The following PLD5 variants were observed in gnomAD, a reference collection of about 807,000 sequenced individuals.
PLD5 encodes phospholipase D family member 5.
A neutral mutation model predicts 61.1 loss-of-function variants in PLD5; 36 were observed. That is an observed-to-expected ratio of 0.59 (90% CI 0.45 to 0.78). The LOEUF (loss-of-function observed/expected upper bound fraction) is 0.78. Among genes scored for constraint, PLD5 ranks in the 30% least tolerant of loss-of-function variants. PLD5 has a pLI of 0.00. For missense variants in PLD5, 515 were observed against 644.4 expected, an observed-to-expected ratio of 0.80 and a Z score of 2.17; for synonymous variants, 243 against 242.8, an observed-to-expected ratio of 1.00 and a Z score of -0.01.
intron 2 of PLD5, among the ~76,000 whole-genome samples, chr1:242,289,441 C>G (rs1299235138): frequency 6.6e-6 from 1 of 152,154 alleles, no homozygotes; most frequent in Non-Finnish European, 1.5e-5. Flanking sequence ...CTCCGCCTCC[C>G]AGGTTCAAGC....
chr1:242,381,225 G>C (rs1388989368), intron 1 of PLD5, among the ~76,000 whole-genome samples: 1 of 152,134 alleles, frequency 6.6e-6, no homozygotes, highest in South Asian at 2.1e-4. Flanking sequence ...GTCATAAAAA[G>C]GAACAAGATC....
At chr1:242,382,689 G>A (rs1306995178) in intron 1 of PLD5, among the ~76,000 whole-genome samples, 2 of 152,066 alleles carry the variant, frequency 1.3e-5, no homozygotes, top group Non-Finnish European at 1.5e-5. Flanking sequence ...TTCTGGCAAC[G>A]GTAGGGAGAA....
chr1:242,270,094 C>T (rs1243777697), intron 3 of PLD5, among the ~76,000 whole-genome samples: 4 of 151,564 alleles, frequency 2.6e-5, no homozygotes, highest in African/African-American at 9.7e-5. Flanking sequence ...GTTAGAGAAA[C>T]TTAATTCTGA....
At chr1:242,091,401 C>A (rs1236310879) in intron 9 of PLD5, among the ~76,000 whole-genome samples, 2 of 152,148 alleles carry the variant, frequency 1.3e-5, no homozygotes, top group African/African-American at 4.8e-5. Flanking sequence ...TAGAGTAATG[C>A]CATTTTCAGT....
chr1:242,390,020 AATT>A (rs67155503), intron 1 of PLD5, among the ~76,000 whole-genome samples: 82,641 of 146,768 alleles, frequency 0.56, 23,622 homozygotes, highest in East Asian at 0.78. Context: ...TAATAATAAT[AATT>A]ATTATTATTA....
intron 4 of PLD5, among the ~76,000 whole-genome samples, chr1:242,224,593 G>A (rs959244211): frequency 2.6e-5 from 4 of 152,152 alleles, no homozygotes; most frequent in Non-Finnish European, 5.9e-5. Flanking sequence ...GTATCCACAT[G>A]CAAAAGAATG....
At chr1:242,090,246 A>C (rs1400337407) in intron 9 of PLD5, 136 bp from the exon 10 acceptor site, 29 of 1,155,922 alleles carry the variant, frequency 2.5e-5, no homozygotes, top group Non-Finnish European at 3.2e-5. Context: ...AATTGTGTTG[A>C]CAGCTCCGAA....
chr1:242,232,137 C>T (rs1353264653), intron 4 of PLD5, among the ~76,000 whole-genome samples: 1 of 151,988 alleles, frequency 6.6e-6, no homozygotes, highest in Non-Finnish European at 1.5e-5. Context: ...GCCCACCAAT[C>T]CCTGGCAAAA....
intron 5 of PLD5, among the ~76,000 whole-genome samples, chr1:242,128,099 G>T (rs1662938684): frequency 6.6e-6 from 1 of 152,094 alleles, no homozygotes; most frequent in Non-Finnish European, 1.5e-5. Context: ...AGGATTGTTT[G>T]TTCAAAAACA....
chr1:242,130,485 C>T (rs1361561526), intron 5 of PLD5, among the ~76,000 whole-genome samples: 3 of 152,178 alleles, frequency 2.0e-5, no homozygotes, highest in South Asian at 2.1e-4. Context: ...ATTGCTGGAT[C>T]GAATGGTAAT....
chr1:242,249,472 G>A (rs981170221), intron 4 of PLD5, among the ~76,000 whole-genome samples: 1 of 152,162 alleles, frequency 6.6e-6, no homozygotes, highest in Admixed American at 6.5e-5. Flanking sequence ...ACACAAAATG[G>A]ACGAAAACAC....
At chr1:242,175,745 G>T (rs1048932466) in intron 5 of PLD5, among the ~76,000 whole-genome samples, 3 of 152,182 alleles carry the variant, frequency 2.0e-5, no homozygotes, top group African/African-American at 7.2e-5. Context: ...AGCAACTTCA[G>T]CAAAGTCTCA....
chr1:242,498,546 T>C (rs74150734), intron 1 of PLD5, among the ~76,000 whole-genome samples: 2,457 of 152,360 alleles, frequency 0.016, 65 homozygotes, highest in African/African-American at 0.057. Flanking sequence ...ATGTTGTTAC[T>C]ATTTCAACTG....
At chr1:242,100,597 C>T (rs913881453) in intron 9 of PLD5, 71 bp downstream of exon 9, 30 of 1,125,136 alleles carry the variant, frequency 2.7e-5, no homozygotes, top group African/African-American at 1.7e-4. Context: ...CAGGGGATAC[C>T]GTGGAGCACA....
chr1:242,452,719 G>A (rs1421352010), intron 1 of PLD5, among the ~76,000 whole-genome samples: 2 of 152,180 alleles, frequency 1.3e-5, no homozygotes, highest in African/African-American at 4.8e-5. Context: ...AGGAGGCTGA[G>A]ATGGGCAGAT....
chr1:242,474,434 G>A (rs964179404), intron 1 of PLD5, among the ~76,000 whole-genome samples: 1 of 151,992 alleles, frequency 6.6e-6, no homozygotes, highest in African/African-American at 2.4e-5. Context: ...TCAAAATTAC[G>A]TCCAAAATAT....
chr1:242,193,920 C>T (rs1474502529), intron 5 of PLD5, among the ~76,000 whole-genome samples: 1 of 152,214 alleles, frequency 6.6e-6, no homozygotes, highest in Admixed American at 6.5e-5. Context: ...TGTCAGAATA[C>T]ATGCTGTAAA....
chr1:242,094,037 A>T (rs377123212), intron 9 of PLD5, among the ~76,000 whole-genome samples: 49 of 152,046 alleles, frequency 3.2e-4, no homozygotes, highest in African/African-American at 1.2e-3. Context: ...ATGCTCTTCT[A>T]CCTTTCACTT....
chr1:242,482,174 A>G (rs943880259), intron 1 of PLD5, among the ~76,000 whole-genome samples: 1 of 152,186 alleles, frequency 6.6e-6, no homozygotes, highest in African/African-American at 2.4e-5. Context: ...AAGGAATGCA[A>G]CTCCTCACCA....
Sources: allele counts gnomAD v4.1 joint callset (sites outside exome capture counted in the v4.1 genomes callset), GRCh38; gene constraint gnomAD v4.1.1; transcripts MANE v1.5; gene names NCBI Gene and HGNC (gene_info 2026-07-23, HGNC 2026-07-21).